The following ZBTB24 variants were observed in gnomAD, a reference collection of about 807,000 sequenced individuals.
The protein encoded by ZBTB24 is zinc finger and BTB domain containing 24.
Under a neutral mutation model 53.8 loss-of-function variants are expected in ZBTB24, and 32 were observed. The observed-to-expected ratio is 0.60, with a 90% confidence interval of 0.45 to 0.80. The LOEUF (loss-of-function observed/expected upper bound fraction) is 0.80. Ranked by LOEUF, ZBTB24 falls within the 30% of genes least tolerant of loss-of-function variation. The pLI is 0.00. For synonymous variants in ZBTB24, 297 were observed against 306.7 expected, an observed-to-expected ratio of 0.97 and a Z score of 0.33; for missense variants, 722 against 837.1, an observed-to-expected ratio of 0.86 and a Z score of 1.70.
At chr6:109,478,796 G>T (rs371488440) in intron 2 of ZBTB24, among the ~76,000 whole-genome samples, 5 of 151,050 alleles carry the variant, frequency 3.3e-5, no homozygotes, top group Non-Finnish European at 7.4e-5. Context: ...CACTCAAGGA[G>T]AGCCTTTTGT....
Position 109,465,927 on chromosome 6 carries a change from A to G in ZBTB24, c.2018T>C (p.Leu673Pro). The G allele has an allele frequency of 6.2e-7, 1 of 1,614,180 alleles. No homozygotes were observed. The highest frequency in any genetic ancestry group is 2.2e-5 in the East Asian group (1 of 44,862). Residue 673 changes from leucine to proline, a missense_variant, in exon 7 of 7, where the codon CTG (leucine) becomes CCG (proline). Coordinates refer to ENST00000230122, the MANE Select transcript of ZBTB24 (RefSeq NM_014797.3). ...TGGTGGCGGACCAGGCTCCTGTGTC[A>G]GCTGCAGGTGCTGAGCTGGATCTGA... ...STSDPAQHLQ[L>P]TQEPGPPPPT... is the part of the protein sequence containing the mutation.
intron 5 of ZBTB24, among the ~76,000 whole-genome samples, chr6:109,471,103 G>T (rs945069909): frequency 2.6e-5 from 4 of 152,222 alleles, no homozygotes; most frequent in Non-Finnish European, 4.4e-5. Flanking sequence ...CTTCCAGGGG[G>T]TTCCCAAATT....
At chr6:109,480,842 G>T in intron 2 of ZBTB24, 1 of 706,466 alleles carries the variant, frequency 1.4e-6, no homozygotes, top group Non-Finnish European at 1.7e-6. Context: ...TGTAAACTAT[G>T]CACTTTAGCA....
At chr6:109,479,915 CAAAAAAAAAAAAA>C (rs200514874) in intron 2 of ZBTB24, among the ~76,000 whole-genome samples, 5 of 41,806 alleles carry the variant, frequency 1.2e-4, no homozygotes, top group East Asian at 5.2e-4. Context: ...GAATCCATCT[CAAAAAAAAAAAAA>C]AAAAAAAAAA....
chr6:109,473,523 C>A (rs967341476), intron 5 of ZBTB24, among the ~76,000 whole-genome samples: 1 of 152,160 alleles, frequency 6.6e-6, no homozygotes, highest in African/African-American at 2.4e-5. Flanking sequence ...CATAAAAGAG[C>A]AACTCTCTTT....
intron 5 of ZBTB24, among the ~76,000 whole-genome samples, chr6:109,472,493 C>T (rs9487120): frequency 0.015 from 2,320 of 152,290 alleles, 65 homozygotes; most frequent in African/African-American, 0.053. Context: ...CCAGAAACCT[C>T]ACTCCCCCTT....
At position 109,465,562 on chromosome 6, in the gene ZBTB24, G is replaced by C; in HGVS notation, c.*289C>G. On this transcript the variant is annotated 3_prime_UTR_variant, in exon 7 of 7. Transcript: ENST00000230122. ...CATTTAAACCTTACAGAAAAACTGA[G>C]ATCAATGCCCCCAAAGAAAAACTAC... The C allele has an allele frequency of 8.0e-7, 1 of 1,257,272 alleles. No individual in the cohort carries two copies. The allele number at this position is 1,257,272 out of a possible 1,614,324, so 77.9% of individuals were successfully genotyped here. A position where few individuals can be genotyped will look rare whatever the true frequency, so the allele number is the denominator to read the frequency against.
Position 109,481,937 on chromosome 6 carries a change from C to T in ZBTB24, c.90G>A (p.Gln30=). 1 of 1,614,206 alleles carries T rather than the reference C, an allele frequency of 6.2e-7. No homozygotes were observed. Among genetic ancestry groups the T allele is most frequent in the Middle Eastern group, 1.6e-4 (1 of 6,062 alleles). ...SDTVLASFED[Q]RKKGFLCDIT... ...TGTCACAGAGGAAGCCTTTCTTCCTCTGATCCTCAAAACTGGCCAGCACAG... is the reference window on the plus strand; with the variant it reads ...TGTCACAGAGGAAGCCTTTCTTCCTTTGATCCTCAAAACTGGCCAGCACAG... Residue 30 remains glutamine, a synonymous_variant, in exon 2 of 7, where the codon CAG becomes CAA. Transcript: ENST00000230122.
intron 5 of ZBTB24, among the ~76,000 whole-genome samples, chr6:109,470,111 G>C (rs1053571397): frequency 2.0e-5 from 3 of 152,206 alleles, no homozygotes; most frequent in Non-Finnish European, 4.4e-5. Flanking sequence ...GGAGGCAGAC[G>C]GAGAAGGATA....
At chr6:109,475,175 T>A (rs576700975) in intron 5 of ZBTB24, among the ~76,000 whole-genome samples, 16 of 152,284 alleles carry the variant, frequency 1.1e-4, no homozygotes, top group African/African-American at 3.9e-4. Flanking sequence ...TAGTCCTCAG[T>A]AAGTGATCTC....
intron 1 of ZBTB24, among the ~76,000 whole-genome samples, chr6:109,482,628 ACTAG>A (rs1438870682): frequency 6.6e-6 from 1 of 151,860 alleles, no homozygotes; most frequent in Non-Finnish European, 1.5e-5. Flanking sequence ...CCGCACATTA[ACTAG>A]CTGAGTGACT....
In ZBTB24 at chr6:109,475,488, C is replaced by A. The variant is rs1353189717; in HGVS notation, c.1205-6G>T. 6 of 1,614,070 alleles carry A rather than the reference C, an allele frequency of 3.7e-6. No homozygotes were observed. Among genetic ancestry groups the A allele is most frequent in the African/African-American group, 1.3e-5 (1 of 75,026 alleles). On this transcript the variant is annotated splice_polypyrimidine_tract_variant and splice_region_variant and intron_variant, in intron 4 of 6. Coordinates refer to ENST00000230122, the MANE Select transcript of ZBTB24 (RefSeq NM_014797.3). ...GCATTCCGGTAATGAGTGGCCTTGT[C>A]GCAACAATAAAAAAAGTGTCAGTGC...
rs771379646 is a variant in ZBTB24 at position 109,481,646 on chromosome 6, G to A, written c.381C>T (p.Asp127=). The change falls in exon 2 of 7, where the codon GAC becomes GAT. Residue 127 remains aspartate, a synonymous_variant. Coordinates refer to ENST00000230122, the MANE Select transcript of ZBTB24 (RefSeq NM_014797.3). ...TTGGGGAGCTATGATTATTTTGGAA[G>A]TCTGTGTAAGCCTTTACCAGGTCAT... The part of the protein sequence containing the change: ...KVYDLVKAYT[D]FQNNHSSPKP... 21 of 1,614,110 alleles carry A rather than the reference G, an allele frequency of 1.3e-5. No homozygotes were observed. The African/African-American group carries it at 2.3e-4, about 17-fold the overall frequency.
At position 109,466,574 on chromosome 6, in the gene ZBTB24, T is replaced by G. The variant is rs1202221542; in HGVS notation, c.1371A>C (p.Arg457=). 4.3e-6 allele frequency: 7 copies of G among 1,609,712 alleles called. No individual in the cohort carries two copies. The highest frequency in any genetic ancestry group is 5.9e-6 in the Non-Finnish European group (7 of 1,180,020). ...SSLQTHIRIH[R]GEKPYSCGIC... ...TGCCACAGGAGTATGGCTTTTCTCC[T>G]CTGTAAGAAAATAAACATTTTATTT... Residue 457 remains arginine (R), a splice_region_variant and synonymous_variant, in exon 7 of 7, where the codon CGA becomes CGC. Transcript: ENST00000230122.
chr6:109,465,588 C>A lies in ZBTB24; in HGVS notation c.*263G>T. 1 of 1,464,968 alleles carries A rather than the reference C, an allele frequency of 6.8e-7. No homozygotes were observed. Among genetic ancestry groups the A allele is most frequent in the South Asian group, 1.2e-5 (1 of 80,510 alleles). The allele number at this position is 1,464,968 out of a possible 1,614,324, so 90.7% of individuals were successfully genotyped here. A position where few individuals can be genotyped will look rare whatever the true frequency, so the allele number is the denominator to read the frequency against. The stretch of plus-strand genomic sequence containing the variant: ...ATCAATGCCCCCAAAGAAAAACTAC[C>A]CGAGTCTTTATGAGACATTGCAGAT... On this transcript the variant is annotated 3_prime_UTR_variant, in exon 7 of 7. Transcript: ENST00000230122.
intron 5 of ZBTB24, among the ~76,000 whole-genome samples, chr6:109,471,127 C>G (rs976441705): frequency 6.6e-6 from 1 of 152,244 alleles, no homozygotes; most frequent in Admixed American, 6.5e-5. Context: ...TTCCCACCAA[C>G]AATAAATAAA....
At chr6:109,466,641 G>A (rs983172536) in intron 6 of ZBTB24, 67 bp from the exon 7 acceptor site, 5 of 1,585,458 alleles carry the variant, frequency 3.2e-6, no homozygotes, top group Non-Finnish European at 4.3e-6. Flanking sequence ...GATTATTTAG[G>A]GGGAAGCAAT....
intron 5 of ZBTB24, among the ~76,000 whole-genome samples, chr6:109,471,763 T>G (rs1434955252): frequency 6.6e-6 from 1 of 152,164 alleles, no homozygotes; most frequent in Non-Finnish European, 1.5e-5. Flanking sequence ...CAGAAAGGTG[T>G]AATCCCTCTA....
At chr6:109,472,696 C>T (rs910608097) in intron 5 of ZBTB24, among the ~76,000 whole-genome samples, 1 of 152,164 alleles carries the variant, frequency 6.6e-6, no homozygotes, top group African/African-American at 2.4e-5. Flanking sequence ...TTCTCCAGAC[C>T]TGGAAATCTA....
Sources: allele counts gnomAD v4.1 joint callset (sites outside exome capture counted in the v4.1 genomes callset), GRCh38; gene constraint gnomAD v4.1.1; transcripts MANE v1.5; gene names NCBI Gene and HGNC (gene_info 2026-07-23, HGNC 2026-07-21).